The following ANO6 variants were observed in gnomAD, a reference collection of about 807,000 sequenced individuals.
ANO6 encodes anoctamin-6.
Under a neutral mutation model 117.5 loss-of-function variants are expected in ANO6, and 106 were observed. The ratio of observed to expected loss-of-function variants is 0.90; its 90% CI spans 0.77 to 1.06. The LOEUF (loss-of-function observed/expected upper bound fraction) is 1.06. Ranked by LOEUF, ANO6 falls within the 50% of genes least tolerant of loss-of-function variation. The pLI is 0.00. For missense variants in ANO6, 955 were observed against 1,121.1 expected (o/e 0.85, Z 2.12); for synonymous variants, 367 against 385.1 (o/e 0.95, Z 0.55).
At chr12:45,329,436 C>T (rs1940588171) in intron 2 of ANO6, among the ~76,000 whole-genome samples, 1 of 152,102 alleles carries the variant, frequency 6.6e-6, no homozygotes, top group Non-Finnish European at 1.5e-5. Flanking sequence ...AGGTTTTCCT[C>T]CAAATAAAGG....
At chr12:45,325,648 A>G (rs1940434382) in intron 2 of ANO6, among the ~76,000 whole-genome samples, 1 of 152,192 alleles carries the variant, frequency 6.6e-6, no homozygotes, top group African/African-American at 2.4e-5. Flanking sequence ...AAAAACAACC[A>G]CTATAGGCAT....
chr12:45,318,349 C>T (rs1307571173), intron 2 of ANO6, among the ~76,000 whole-genome samples: 1 of 152,192 alleles, frequency 6.6e-6, no homozygotes, highest in Admixed American at 6.5e-5. Flanking sequence ...TATGGCTAGC[C>T]AATTTTCCCA....
At chr12:45,274,596 TCA>T (rs1938489707) in intron 1 of ANO6, among the ~76,000 whole-genome samples, 1 of 152,064 alleles carries the variant, frequency 6.6e-6, no homozygotes, top group Non-Finnish European at 1.5e-5. Context: ...CATAGAACAG[TCA>T]CAGTGATCCT....
chr12:45,345,409 A>G (rs1175611483), intron 3 of ANO6, among the ~76,000 whole-genome samples: 2 of 152,032 alleles, frequency 1.3e-5, no homozygotes, highest in African/African-American at 4.8e-5. Context: ...CTGTCCCTTT[A>G]GAGTGGGCAG....
intron 1 of ANO6, among the ~76,000 whole-genome samples, chr12:45,278,700 C>T (rs1052785489): frequency 6.6e-6 from 1 of 152,116 alleles, no homozygotes; most frequent in Non-Finnish European, 1.5e-5. Flanking sequence ...TGATTTCTCC[C>T]TCTTCACCAA....
At chr12:45,405,949 A>G (rs1055419176) in intron 15 of ANO6, among the ~76,000 whole-genome samples, 2 of 152,104 alleles carry the variant, frequency 1.3e-5, no homozygotes, top group Non-Finnish European at 2.9e-5. Flanking sequence ...TTCTATCCAA[A>G]ACTATACCCA....
chr12:45,428,091 A>C lies in ANO6; in HGVS notation c.2527-1014A>C, dbSNP rs531883952. Among the ~76,000 whole-genome samples the C allele has an allele frequency of 1.4e-4, 21 of 152,284 alleles. No homozygotes were observed. In the South Asian group the frequency reaches 4.4e-3, roughly 32 times the overall value. On this transcript the variant is annotated intron_variant, in intron 19 of 19. Transcript: ENST00000320560. The stretch of plus-strand genomic sequence containing the variant: ...CATTCACATGACATAGAGTCTCAGC[A>C]GTCCCACTCCTAGGTCCACACTCTT...
rs777838621 is a variant in ANO6 at position 45,302,079 on chromosome 12, C to T, written c.136C>T (p.Arg46Ter). 5.6e-6 allele frequency: 9 copies of T among 1,613,766 alleles called. 1 individual carries two copies. The highest frequency in any genetic ancestry group is 2.2e-5 in the South Asian group (2 of 91,090). ...ATCACTGGAAAGTCAGCATGATTTT[C>T]GAACCCCGGAGTTTGTGAGTACTAT... Reference protein sequence around the residue: ...LGSLESQHDFRTPEFEEFNGK... With the variant: ...LGSLESQHDF The change falls in exon 2 of 20, where the codon CGA becomes TGA. Residue 46 changes from arginine (R) to a stop codon, truncating the protein, a stop_gained. Transcript: ENST00000320560. LOFTEE classifies it high-confidence loss of function.
intron 1 of ANO6, among the ~76,000 whole-genome samples, chr12:45,257,136 C>A (rs947208999): frequency 2.6e-5 from 4 of 152,180 alleles, no homozygotes; most frequent in African/African-American, 9.7e-5. Context: ...CTTGGCGTGC[C>A]TGCTTCGTCT....
At chr12:45,329,885 AG>A (rs1940604332) in intron 2 of ANO6, among the ~76,000 whole-genome samples, 6 of 152,142 alleles carry the variant, frequency 3.9e-5, no homozygotes, top group Admixed American at 3.9e-4. Flanking sequence ...GAAATGAAAA[AG>A]ACATGGCTCA....
intron 1 of ANO6, among the ~76,000 whole-genome samples, chr12:45,245,699 A>G (rs1454234245): frequency 6.6e-6 from 1 of 152,126 alleles, no homozygotes; most frequent in Non-Finnish European, 1.5e-5. Flanking sequence ...TTCTCATTGT[A>G]AAGTTGAACT....
chr12:45,391,444 A>C (rs1414868266), intron 12 of ANO6, among the ~76,000 whole-genome samples: 2 of 152,248 alleles, frequency 1.3e-5, no homozygotes, highest in Non-Finnish European at 2.9e-5. Flanking sequence ...AAGAGGCATT[A>C]TAAATCCATC....
chr12:45,391,179 A>G (rs535179072), intron 12 of ANO6, among the ~76,000 whole-genome samples: 1 of 152,320 alleles, frequency 6.6e-6, no homozygotes, highest in South Asian at 2.1e-4. Flanking sequence ...AGGAACTATC[A>G]AAGAAAACAT....
At chr12:45,271,474 A>G (rs1156630239) in intron 1 of ANO6, among the ~76,000 whole-genome samples, 1 of 152,206 alleles carries the variant, frequency 6.6e-6, no homozygotes, top group African/African-American at 2.4e-5. Flanking sequence ...GCACCAATCT[A>G]TAATATTTTA....
intron 2 of ANO6, among the ~76,000 whole-genome samples, chr12:45,309,409 T>C (rs1243414242): frequency 6.6e-6 from 1 of 151,982 alleles, no homozygotes; most frequent in Non-Finnish European, 1.5e-5. Context: ...CATTGAGGAG[T>C]AATGGTCTGG....
chr12:45,403,896 TCTC>T (rs756255627), intron 15 of ANO6, among the ~76,000 whole-genome samples: 3 of 152,138 alleles, frequency 2.0e-5, no homozygotes, highest in South Asian at 2.1e-4. Flanking sequence ...CTCATATCCT[TCTC>T]CTCTCTTTCC....
At chr12:45,428,490 T>C (rs1943558568) in intron 19 of ANO6, among the ~76,000 whole-genome samples, 1 of 152,102 alleles carries the variant, frequency 6.6e-6, no homozygotes, top group Non-Finnish European at 1.5e-5. Context: ...GGCATACTTC[T>C]GGATCACTTG....
At chr12:45,342,177 A>G (rs549026048) in intron 3 of ANO6, among the ~76,000 whole-genome samples, 22 of 152,296 alleles carry the variant, frequency 1.4e-4, no homozygotes, top group African/African-American at 5.3e-4. Flanking sequence ...TGCAAGAGCT[A>G]CAGGGGCTGT....
chr12:45,305,338 A>G (rs1939633832), intron 2 of ANO6, among the ~76,000 whole-genome samples: 1 of 152,230 alleles, frequency 6.6e-6, no homozygotes, highest in Non-Finnish European at 1.5e-5. Flanking sequence ...TTTAAGCACA[A>G]TGAAATCTGT....
Sources: gnomAD v4.1 joint callset for allele counts (sites outside exome capture counted in the v4.1 genomes callset) on GRCh38, gnomAD v4.1.1 for gene constraint, MANE v1.5 for transcripts, NCBI Gene and HGNC (gene_info 2026-07-23, HGNC 2026-07-21) for gene names.